CLNS1A: variants seen among roughly 807,000 people sequenced by gnomAD.
CLNS1A encodes the protein chloride nucleotide-sensitive channel 1A.
CLNS1A carries 16 observed loss-of-function variants against 29.4 expected under a neutral mutation model. The observed-to-expected ratio is 0.54, with a 90% confidence interval of 0.37 to 0.83. CLNS1A has a LOEUF of 0.83. Ranked by LOEUF, CLNS1A falls within the 40% of genes least tolerant of loss-of-function variation. The pLI is 0.00. For missense variants in CLNS1A, 235 were observed against 287.4 expected (o/e 0.82, Z 1.32); for synonymous variants, 96 against 104.8 (o/e 0.92, Z 0.51).
At chr11:77,619,156 A>G (rs983095443) in intron 6 of CLNS1A, among the ~76,000 whole-genome samples, 3 of 152,242 alleles carry the variant, frequency 2.0e-5, no homozygotes, top group Non-Finnish European at 4.4e-5. Context: ...AAAGGACAAT[A>G]TATTTCTCAG....
chr11:77,617,466 C>T (rs936522659), intron 6 of CLNS1A, among the ~76,000 whole-genome samples: 2 of 150,814 alleles, frequency 1.3e-5, no homozygotes, highest in African/African-American at 4.9e-5. Context: ...TGCTTGAACC[C>T]GGGAGGCAGA....
chr11:77,626,931 G>A (rs11237246), intron 2 of CLNS1A, among the ~76,000 whole-genome samples: 34,888 of 148,354 alleles, frequency 0.24, 4,219 homozygotes, highest in Non-Finnish European at 0.26. Flanking sequence ...TCCTGACCTC[G>A]TGATCCGCCC....
intron 1 of CLNS1A, among the ~76,000 whole-genome samples, chr11:77,636,129 G>C (rs1959123266): frequency 6.6e-6 from 1 of 151,862 alleles, no homozygotes; most frequent in Admixed American, 6.6e-5. Context: ...GGAGTGCAGG[G>C]GCACAATCAC....
At chr11:77,627,038 GA>G (rs879666719) in intron 2 of CLNS1A, among the ~76,000 whole-genome samples, 19 of 133,646 alleles carry the variant, frequency 1.4e-4, no homozygotes, top group Admixed American at 3.7e-4. Flanking sequence ...ATGCCAAAGA[GA>G]AAAAAAAAAA....
At chr11:77,624,824 AATAATAATAATAATTTTACC>A in intron 4 of CLNS1A, 119 bp downstream of exon 4, 1 of 408,650 alleles carries the variant, frequency 2.4e-6, no homozygotes, top group Non-Finnish European at 4.0e-6. Context: ...CCATCTCAAA[AATAATAATAATAATTTTACC>A]ATACTGCATA....
chr11:77,622,781 C>A, intron 4 of CLNS1A, 108 bp from the exon 5 acceptor site: 2 of 856,936 alleles, frequency 2.3e-6, no homozygotes, highest in East Asian at 2.8e-5. Context: ...AACCCTATCT[C>A]TACTAAAAAT....
intron 2 of CLNS1A, among the ~76,000 whole-genome samples, 172 bp downstream of exon 2, chr11:77,629,591 T>C (rs1959054253): frequency 6.6e-6 from 1 of 152,170 alleles, no homozygotes. Flanking sequence ...AGACGGGTTT[T>C]CACCGTATTA....
chr11:77,624,855 C>A (rs1247551950), intron 4 of CLNS1A, 108 bp downstream of exon 4: 1 of 672,668 alleles, frequency 1.5e-6, no homozygotes, highest in Non-Finnish European at 2.5e-6. Context: ...ATACTGCATA[C>A]TTTACAGTCA....
intron 1 of CLNS1A, 124 bp downstream of exon 1, chr11:77,637,466 G>A (rs1959144074): frequency 2.3e-6 from 3 of 1,284,380 alleles, no homozygotes; most frequent in Admixed American, 3.0e-5. Context: ...CTGAGGCGTC[G>A]GGCACGAGAC....
chr11:77,621,301 AC>A (rs1310635205), intron 5 of CLNS1A, among the ~76,000 whole-genome samples: 7 of 89,478 alleles, frequency 7.8e-5, no homozygotes, highest in Non-Finnish European at 1.6e-4. Flanking sequence ...TCAAACACAC[AC>A]ACACACACAC....
intron 3 of CLNS1A, 101 bp from the exon 4 acceptor site, chr11:77,625,171 A>C (rs1565126465): frequency 5.4e-6 from 4 of 740,190 alleles, no homozygotes. Flanking sequence ...CAGTATTTAC[A>C]AAATCTGCCA....
intron 4 of CLNS1A, among the ~76,000 whole-genome samples, 157 bp downstream of exon 4, chr11:77,624,806 C>T (rs919175739): frequency 1.7e-4 from 25 of 151,272 alleles, no homozygotes; most frequent in African/African-American, 5.1e-4. Flanking sequence ...GCAACAAAAG[C>T]GAAAACTCCA....
chr11:77,620,249 G>A (rs4944173), intron 5 of CLNS1A, among the ~76,000 whole-genome samples: 19,691 of 152,052 alleles, frequency 0.13, 1,461 homozygotes, highest in Admixed American at 0.19. Flanking sequence ...GGTCTTTCCC[G>A]TGCTGTTCTC....
chr11:77,630,833 G>C (rs1286538583), intron 1 of CLNS1A, among the ~76,000 whole-genome samples: 16 of 152,138 alleles, frequency 1.1e-4, no homozygotes, highest in Admixed American at 1.0e-3. Context: ...AGGGCTAGAA[G>C]GAAATAGGGA....
intron 6 of CLNS1A, 127 bp downstream of exon 6, chr11:77,619,479 A>G: frequency 1.5e-6 from 1 of 671,460 alleles, no homozygotes; most frequent in East Asian, 2.8e-5. Flanking sequence ...AGCTAGGATC[A>G]TGCCACTGCA....
intron 4 of CLNS1A, among the ~76,000 whole-genome samples, chr11:77,622,949 GAAAAAAAA>G (rs35752186): frequency 2.8e-5 from 3 of 105,818 alleles, no homozygotes; most frequent in South Asian, 3.4e-4. Flanking sequence ...CCTTGTCTTG[GAAAAAAAA>G]AAAAAAAAAA....
chr11:77,636,033 T>G (rs1959121830), intron 1 of CLNS1A, among the ~76,000 whole-genome samples: 1 of 152,140 alleles, frequency 6.6e-6, no homozygotes, highest in Admixed American at 6.6e-5. Context: ...CAAACATCTC[T>G]CTTTAATACC....
chr11:77,637,243 T>TAAAAA lies in CLNS1A; in HGVS notation c.125+342_125+346dup, dbSNP rs747109219. 2.3e-4 allele frequency among the ~76,000 whole-genome samples: 10 copies of TAAAAA among 43,162 alleles called. 3 individuals are homozygous for TAAAAA. Among genetic ancestry groups the TAAAAA allele is most frequent in the East Asian group, 2.1e-3 (3 of 1,416 alleles). The allele number at this position is 43,162 out of a possible 152,430, so 28.3% of individuals were successfully genotyped here. ...CCAGACCTCCAGTAAATAGGCGAGT[T>TAAAAA]AAAAAAAAAAAAAAAAGAAAATAAA... is the stretch of plus-strand genomic sequence containing the variant. On this transcript the variant is annotated intron_variant, in intron 1 of 6. Transcript: ENST00000525428.
chr11:77,629,653 C>T, intron 2 of CLNS1A, 110 bp downstream of exon 2: 1 of 1,020,678 alleles, frequency 9.8e-7, no homozygotes, highest in East Asian at 2.7e-5. Flanking sequence ...CTCGGCCTCC[C>T]AGAGTGCTGG....
Sources: gnomAD v4.1 joint callset for allele counts (sites outside exome capture counted in the v4.1 genomes callset) on GRCh38, gnomAD v4.1.1 for gene constraint, MANE v1.5 for transcripts, NCBI Gene and HGNC (gene_info 2026-07-23, HGNC 2026-07-21) for gene names.